NAALADL2: variants seen among roughly 807,000 people sequenced by gnomAD.
NAALADL2 encodes inactive N-acetylated-alpha-linked acidic dipeptidase-like protein 2.
NAALADL2 carries 76 observed loss-of-function variants against 87.2 expected under a neutral mutation model. That is an observed-to-expected ratio of 0.87 (90% CI 0.72 to 1.05). The LOEUF (loss-of-function observed/expected upper bound fraction) is 1.05, where lower values mean the gene tolerates loss of function less well. NAALADL2 is among the 50% of genes least tolerant of loss of function. The pLI is 0.00. For missense variants in NAALADL2, 1,089 were observed against 945.8 expected (o/e 1.15, Z -1.99); for synonymous variants, 354 against 331.0 (o/e 1.07, Z -0.75).
intron 3 of NAALADL2, among the ~76,000 whole-genome samples, chr3:174,843,337 T>G (rs1043109426): frequency 7.2e-5 from 11 of 152,106 alleles, no homozygotes; most frequent in African/African-American, 2.2e-4. Context: ...TTCCACATAA[T>G]AGTGAGATCA....
In NAALADL2 at chr3:175,111,618, A is replaced by T. The variant is rs542120077; in HGVS notation, c.545+14327A>T. On this transcript the variant is annotated intron_variant, in intron 2 of 13. Transcript: ENST00000454872. ...GAAAAATGGTTTTCATTTGCTCCTG[A>T]GTTAGTTGTACCCTAAAGCAAAGGC... Among the ~76,000 whole-genome samples, 6 of 151,784 alleles carry T rather than the reference A, an allele frequency of 4.0e-5. No homozygotes were observed. In the East Asian group the frequency reaches 9.7e-4, roughly 25 times the overall value.
chr3:175,418,602 C>T (rs955087813), intron 5 of NAALADL2, among the ~76,000 whole-genome samples: 1 of 152,064 alleles, frequency 6.6e-6, no homozygotes, highest in Non-Finnish European at 1.5e-5. Flanking sequence ...TTCACTTTCT[C>T]ATTATCCGTG....
At chr3:174,490,358 A>G (rs1371981974) in intron 1 of NAALADL2, among the ~76,000 whole-genome samples, 1 of 152,158 alleles carries the variant, frequency 6.6e-6, no homozygotes, top group East Asian at 1.9e-4. Flanking sequence ...TGGTAAATGT[A>G]CAGAGACAGA....
intron 1 of NAALADL2, among the ~76,000 whole-genome samples, chr3:175,000,068 C>T (rs548497236): frequency 6.6e-6 from 1 of 152,160 alleles, no homozygotes; most frequent in South Asian, 2.1e-4. Flanking sequence ...CACTGATCTG[C>T]CTTAAATCTA....
intron 1 of NAALADL2, among the ~76,000 whole-genome samples, chr3:175,056,194 G>A (rs1263930935): frequency 1.3e-5 from 2 of 152,100 alleles, no homozygotes; most frequent in Non-Finnish European, 2.9e-5. Flanking sequence ...GGTACAGAAG[G>A]GTAGGGATGA....
intron 1 of NAALADL2, among the ~76,000 whole-genome samples, chr3:174,970,514 A>C (rs1743480770): frequency 6.6e-6 from 1 of 152,200 alleles, no homozygotes; most frequent in Admixed American, 6.5e-5. Flanking sequence ...TTTACTGAGC[A>C]TTAGTGTAAT....
chr3:175,626,243 C>T (rs925871554), intron 10 of NAALADL2, among the ~76,000 whole-genome samples: 1 of 151,850 alleles, frequency 6.6e-6, no homozygotes. Flanking sequence ...ATTCCTTTTC[C>T]TGAAGACTAT....
chr3:174,892,367 C>T lies in NAALADL2; in HGVS notation c.43+32917C>T, dbSNP rs189062671. 2.4e-4 allele frequency among the ~76,000 whole-genome samples: 36 copies of T among 151,952 alleles called. No homozygotes were observed. In the East Asian group the frequency reaches 5.0e-3, roughly 21 times the overall value. On this transcript the variant is annotated intron_variant, in intron 1 of 13. Transcript: ENST00000454872. ...TCAGAATTCTATCCGATAAATTAAA[C>T]GAAGATATTGAAATAATTAAAAAGA... is the stretch of plus-strand genomic sequence containing the variant.
intron 13 of NAALADL2, among the ~76,000 whole-genome samples, 184 bp downstream of exon 13, chr3:175,755,602 A>G (rs1747166548): frequency 6.6e-6 from 1 of 152,198 alleles, no homozygotes; most frequent in Non-Finnish European, 1.5e-5. Context: ...AAAATAATGG[A>G]AACTTGGCTT....
chr3:175,133,637 A>C (rs994477440), intron 2 of NAALADL2, among the ~76,000 whole-genome samples: 3 of 152,176 alleles, frequency 2.0e-5, no homozygotes, highest in Non-Finnish European at 4.4e-5. Flanking sequence ...CAGGCGAATC[A>C]GGCAGGGAGG....
At chr3:175,770,827 G>A (rs1200634764) in intron 13 of NAALADL2, among the ~76,000 whole-genome samples, 1 of 152,188 alleles carries the variant, frequency 6.6e-6, no homozygotes, top group Non-Finnish European at 1.5e-5. Flanking sequence ...AGGGAAGAAT[G>A]TAATATAGGC....
chr3:175,708,807 C>T (rs951084108), intron 11 of NAALADL2, among the ~76,000 whole-genome samples: 5 of 146,824 alleles, frequency 3.4e-5, no homozygotes, highest in African/African-American at 1.3e-4. Flanking sequence ...CTTTCTCCTA[C>T]CTTTTATACC....
chr3:175,016,325 A>G (rs553793732), intron 1 of NAALADL2, among the ~76,000 whole-genome samples: 72 of 150,230 alleles, frequency 4.8e-4, no homozygotes, highest in African/African-American at 1.7e-3. Flanking sequence ...TCCATATATG[A>G]GAATATTACG....
intron 10 of NAALADL2, among the ~76,000 whole-genome samples, chr3:175,613,435 T>C (rs923461754): frequency 2.6e-4 from 40 of 152,358 alleles, no homozygotes; most frequent in African/African-American, 9.6e-4. Context: ...AATTACAACA[T>C]TATGCATCGT....
chr3:175,292,493 T>C (rs73184735), intron 4 of NAALADL2, among the ~76,000 whole-genome samples: 7,746 of 152,150 alleles, frequency 0.051, 298 homozygotes, highest in Middle Eastern at 0.13. Flanking sequence ...CTTAACACTT[T>C]GGTTTGGCCC....
intron 5 of NAALADL2, among the ~76,000 whole-genome samples, chr3:175,438,131 G>T (rs1243526596): frequency 6.6e-6 from 1 of 152,036 alleles, no homozygotes; most frequent in Non-Finnish European, 1.5e-5. Context: ...TCAGAAAATT[G>T]TCACTGATCC....
At chr3:175,258,324 C>A (rs866989297) in intron 4 of NAALADL2, among the ~76,000 whole-genome samples, 32,578 of 99,278 alleles carry the variant, frequency 0.33, 4,875 homozygotes, top group South Asian at 0.53. Context: ...CCCCCACCAC[C>A]AAAAAAAAAA....
chr3:174,615,995 T>C (rs775065167), intron 2 of NAALADL2, among the ~76,000 whole-genome samples: 1 of 152,012 alleles, frequency 6.6e-6, no homozygotes, highest in Admixed American at 6.6e-5. Flanking sequence ...GAAGTGAATC[T>C]GAACAACTTA....
intron 2 of NAALADL2, among the ~76,000 whole-genome samples, chr3:174,719,180 A>T (rs1731478790): frequency 6.6e-6 from 1 of 152,242 alleles, no homozygotes. Flanking sequence ...ATTTAAAAAT[A>T]TTCAGGTTAT....
Sources: allele counts gnomAD v4.1 joint callset (sites outside exome capture counted in the v4.1 genomes callset), GRCh38; gene constraint gnomAD v4.1.1; transcripts MANE v1.5; gene names NCBI Gene and HGNC (gene_info 2026-07-23, HGNC 2026-07-21).